The following KIRREL3 variants were observed in gnomAD, a reference collection of about 807,000 sequenced individuals.
KIRREL3 encodes kirre like nephrin family adhesion molecule 3, also known as kin of IRRE-like protein 3.
A neutral mutation model predicts 89.7 loss-of-function variants in KIRREL3; 36 were observed. The ratio of observed to expected loss-of-function variants is 0.40; its 90% confidence interval spans 0.31 to 0.53. KIRREL3 has a LOEUF of 0.53. KIRREL3 is among the 20% of genes least tolerant of loss of function. The pLI is 0.49. For synonymous variants in KIRREL3, 445 were observed against 441.4 expected (o/e 1.01, Z -0.10); for missense variants, 864 against 1,056.6 (o/e 0.82, Z 2.53).
In KIRREL3 at chr11:126,903,033, C is replaced by T. The variant is rs1946433102; in HGVS notation, c.55+97422G>A. ...GCGTCCTATGACCTTGTGAAAGAAG[C>T]AAAAAATAGCATCATTTACTCAGCA... is the stretch of plus-strand genomic sequence containing the variant. On this transcript the variant is annotated intron_variant, in intron 1 of 16. Transcript: ENST00000525144. This position sits in a 1 kb window ranked among gnomAD's most constrained non-coding sequence, Gnocchi z 4.5. Among the ~76,000 whole-genome samples, 1 of 152,028 alleles carries T rather than the reference C, an allele frequency of 6.6e-6. No individual in the cohort carries two copies. The highest frequency in any genetic ancestry group is 2.1e-4 in the South Asian group (1 of 4,820).
rs1352714443 is a variant in KIRREL3 at position 126,892,792 on chromosome 11, A to G, written c.55+107663T>C. On this transcript the variant is annotated intron_variant, in intron 1 of 16. Transcript: ENST00000525144. This position sits in a 1 kb window ranked among gnomAD's most constrained non-coding sequence, Gnocchi z 5.4. ...AGGAGAAGGGTCTGGCTTCATTGAC[A>G]TTTCCACGGTAGTGCATACAGCCCT... Among the ~76,000 whole-genome samples the G allele has an allele frequency of 6.6e-6, 1 of 152,114 alleles. No individual in the cohort carries two copies. The highest frequency in any genetic ancestry group is 1.5e-5 in the Non-Finnish European group (1 of 68,018).
intron 1 of KIRREL3, among the ~76,000 whole-genome samples, chr11:126,988,225 A>T (rs635453): frequency 0.22 from 34,180 of 152,174 alleles, 4,063 homozygotes; most frequent in Middle Eastern, 0.28. Context: ...GAATTCTTTT[A>T]AAGAAATCAG....
At chr11:126,425,300 G>A (rs991864590) in intron 16 of KIRREL3, among the ~76,000 whole-genome samples, 2 of 152,212 alleles carry the variant, frequency 1.3e-5, no homozygotes, top group Admixed American at 6.5e-5. Context: ...GGGAAGCAGA[G>A]GCTCTTGACT....
Position 126,440,510 on chromosome 11 carries a change from A to T in KIRREL3, c.1292T>A (p.Leu431His). ...CTTGATCTGGCCCTTCTCGCCGTGG[A>T]GGGCGTGCTGGGTCTGGGTGCTGGA... Reference protein sequence around the residue: ...IISSTQTQHALHGEKGQIKCF... With the variant: ...IISSTQTQHAHHGEKGQIKCF... Residue 431 changes from leucine (L) to histidine (H), a missense_variant, in exon 11 of 17, where the codon CTC becomes CAC. Physicochemically the swap from Leu to His is moderately conservative, Grantham distance 99 (BLOSUM62 -3). Coordinates refer to ENST00000525144, the MANE Select transcript of KIRREL3 (RefSeq NM_032531.4). The T allele has an allele frequency of 6.2e-7, 1 of 1,602,382 alleles. No individual in the cohort carries two copies. The highest frequency in any genetic ancestry group is 1.7e-5 in the Admixed American group (1 of 58,448).
At chr11:126,699,841 A>T (rs1010635228) in intron 1 of KIRREL3, among the ~76,000 whole-genome samples, 1 of 152,238 alleles carries the variant, frequency 6.6e-6, no homozygotes, top group Non-Finnish European at 1.5e-5. Context: ...TTTCACATAC[A>T]TTATCTCTGA....
rs1958412492 is a variant in KIRREL3 at position 126,516,471 on chromosome 11, C to T, written c.433+4844G>A. Among the ~76,000 whole-genome samples, 1 of 152,208 alleles carries T rather than the reference C, an allele frequency of 6.6e-6. No individual in the cohort carries two copies. The highest frequency in any genetic ancestry group is 6.5e-5 in the Admixed American group (1 of 15,268). ...AATGCAATTTATGGTTTAATCCGTGCATCACTTATCGACCGCCTTCTCTCT... is the reference window on the plus strand; with the variant it reads ...AATGCAATTTATGGTTTAATCCGTGTATCACTTATCGACCGCCTTCTCTCT... On this transcript the variant is annotated intron_variant, in intron 4 of 16. Coordinates refer to ENST00000525144, the MANE Select transcript of KIRREL3 (RefSeq NM_032531.4). The surrounding 1 kb of genome is among the most constrained non-coding windows in gnomAD (Gnocchi z 4.9).
rs1304268997 is a variant in KIRREL3, at chr11:126,739,227, T to C, written c.56-176315A>G. 6.6e-6 allele frequency among the ~76,000 whole-genome samples: 1 copy of C among 152,260 alleles called. No homozygotes were observed. Among genetic ancestry groups the C allele is most frequent in the Non-Finnish European group, 1.5e-5 (1 of 68,052 alleles). ...ATTCCACTGATGTGAATTTCTAGCC[T>C]TCTGCATATGACTTGCCCACAGAGC... On this transcript the variant is annotated intron_variant, in intron 1 of 16. Coordinates refer to ENST00000525144, the MANE Select transcript of KIRREL3 (RefSeq NM_032531.4). The surrounding 1 kb of genome is among the most constrained non-coding windows in gnomAD (Gnocchi z 5.5).
chr11:126,457,207 GTGTA>G (rs774681721), intron 6 of KIRREL3, among the ~76,000 whole-genome samples: 7 of 149,450 alleles, frequency 4.7e-5, no homozygotes, highest in African/African-American at 1.8e-4. Context: ...GTGTGTGTGT[GTGTA>G]TGTGTATGTG....
In KIRREL3 at chr11:126,870,947, A is replaced by G. The variant is rs1053658370; in HGVS notation, c.55+129508T>C. On this transcript the variant is annotated intron_variant, in intron 1 of 16. Coordinates refer to ENST00000525144, the MANE Select transcript of KIRREL3 (RefSeq NM_032531.4). This position sits in a 1 kb window ranked among gnomAD's most constrained non-coding sequence, Gnocchi z 4.4. ...GACCAAAACTGTTCTACATGGCCAC[A>G]ACAGGCTTGGATCTCATTGCTCCAG... Among the ~76,000 whole-genome samples, 8 of 152,168 alleles carry G rather than the reference A, an allele frequency of 5.3e-5. No individual in the cohort carries two copies. The highest frequency in any genetic ancestry group is 7.4e-5 in the Non-Finnish European group (5 of 68,022).
rs765229090 is a variant in KIRREL3, at chr11:126,473,480, A to G, written c.434-14T>C. ...CATCAGGCGGCACTGCGGGGAGAGA[A>G]GCAGTGAGGTCAGGCCGAGGCTCCC... On this transcript the variant is annotated splice_polypyrimidine_tract_variant and intron_variant, in intron 4 of 16. Coordinates refer to ENST00000525144, the MANE Select transcript of KIRREL3 (RefSeq NM_032531.4). 6.5e-7 allele frequency: 1 copy of G among 1,535,794 alleles called. No individual in the cohort carries two copies. The highest frequency in any genetic ancestry group is 1.2e-5 in the South Asian group (1 of 82,382).
Position 126,773,514 on chromosome 11 carries a change from C to A in KIRREL3, c.56-210602G>T, listed in dbSNP as rs181014135. 6.6e-6 allele frequency among the ~76,000 whole-genome samples: 1 copy of A among 152,214 alleles called. No homozygotes were observed. Among genetic ancestry groups the A allele is most frequent in the African/African-American group, 2.4e-5 (1 of 41,446 alleles). On this transcript the variant is annotated intron_variant, in intron 1 of 16. Coordinates refer to ENST00000525144, the MANE Select transcript of KIRREL3 (RefSeq NM_032531.4). This position sits in a 1 kb window ranked among gnomAD's most constrained non-coding sequence, Gnocchi z 4.2. ...AATAAATCTGTCTTTCTCTATATAT[C>A]GCTTCCTGTTGGTTCTGTTTCTCTG...
At chr11:126,672,803 T>C (rs2135064266) in intron 1 of KIRREL3, among the ~76,000 whole-genome samples, 1 of 152,242 alleles carries the variant, frequency 6.6e-6, no homozygotes, top group East Asian at 1.9e-4. Flanking sequence ...GTCCAGTGAG[T>C]TCCTCCCTTA....
intron 1 of KIRREL3, among the ~76,000 whole-genome samples, chr11:126,618,506 C>T (rs1943447676): frequency 6.6e-6 from 1 of 152,174 alleles, no homozygotes; most frequent in Non-Finnish European, 1.5e-5. Context: ...ACAATCTTGG[C>T]TCACTGCAAA....
intron 1 of KIRREL3, among the ~76,000 whole-genome samples, chr11:126,675,560 T>G (rs1591936179): frequency 6.6e-6 from 1 of 152,150 alleles, no homozygotes; most frequent in Admixed American, 6.5e-5. Flanking sequence ...GCTGGGGATC[T>G]GGGGGTGGTG....
At chr11:126,589,158 G>A (rs1265333065) in intron 1 of KIRREL3, among the ~76,000 whole-genome samples, 1 of 152,324 alleles carries the variant, frequency 6.6e-6, no homozygotes, top group East Asian at 1.9e-4. Context: ...TGCCTCCTGC[G>A]GCTCTGGCTG....
At chr11:126,500,432 A>G (rs552348000) in intron 4 of KIRREL3, among the ~76,000 whole-genome samples, 2 of 152,338 alleles carry the variant, frequency 1.3e-5, no homozygotes, top group East Asian at 1.9e-4. Context: ...AGCGACTCAC[A>G]TTAATTTAGT....
At chr11:126,845,475 G>T (rs1944107299) in intron 1 of KIRREL3, among the ~76,000 whole-genome samples, 1 of 152,118 alleles carries the variant, frequency 6.6e-6, no homozygotes. Context: ...TGCTCTGTGT[G>T]TCTTTTTTGT....
rs1189283163 is a variant in KIRREL3 at position 126,754,517 on chromosome 11, T to C, written c.56-191605A>G. The stretch of plus-strand genomic sequence containing the variant: ...AACAAAATGGGCAGAGTCTACTTGG[T>C]TTAAGGCCTACAAACTGCATGTCTT... On this transcript the variant is annotated intron_variant, in intron 1 of 16. Transcript: ENST00000525144. This position sits in a 1 kb window ranked among gnomAD's most constrained non-coding sequence, Gnocchi z 5.1. Among the ~76,000 whole-genome samples the C allele has an allele frequency of 6.6e-6, 1 of 152,056 alleles. No homozygotes were observed. Among genetic ancestry groups the C allele is most frequent in the East Asian group, 1.9e-4 (1 of 5,190 alleles).
In KIRREL3 at chr11:126,905,165, G is replaced by A. The variant is rs1946527282; in HGVS notation, c.55+95290C>T. On this transcript the variant is annotated intron_variant, in intron 1 of 16. Coordinates refer to ENST00000525144, the MANE Select transcript of KIRREL3 (RefSeq NM_032531.4). This position sits in a 1 kb window ranked among gnomAD's most constrained non-coding sequence, Gnocchi z 5.0. ...AGCTCAGCTTGCAGAGGAGGAACGG[G>A]GCTTGATTCCATGGCTTCCCTACTT... Among the ~76,000 whole-genome samples, 1 of 152,126 alleles carries A rather than the reference G, an allele frequency of 6.6e-6. No homozygotes were observed. Among genetic ancestry groups the A allele is most frequent in the South Asian group, 2.1e-4 (1 of 4,824 alleles).
Sources: allele counts gnomAD v4.1 joint callset (sites outside exome capture counted in the v4.1 genomes callset), GRCh38; gene constraint gnomAD v4.1.1; non-coding constraint Gnocchi (gnomAD v3.1); transcripts MANE v1.5; gene names NCBI Gene and HGNC (gene_info 2026-07-23, HGNC 2026-07-21).